LIMCH1: variants seen among roughly 807,000 people sequenced by gnomAD.
LIMCH1 encodes the protein LIM and calponin homology domains-containing protein 1.
Under a neutral mutation model 176.5 loss-of-function variants are expected in LIMCH1, and 113 were observed. The observed-to-expected ratio is 0.64, with a 90% CI of 0.55 to 0.75. The LOEUF is 0.75. LIMCH1 is among the 30% of genes least tolerant of loss of function. The pLI, the probability that LIMCH1 is intolerant of heterozygous loss-of-function variation, is 0.00. For missense variants in LIMCH1, 1,674 were observed against 1,814.9 expected (o/e 0.92, Z 1.41); for synonymous variants, 619 against 645.9 (o/e 0.96, Z 0.63).
intron 1 of LIMCH1, among the ~76,000 whole-genome samples, chr4:41,408,482 A>C (rs2059187420): frequency 6.6e-6 from 1 of 152,186 alleles, no homozygotes; most frequent in Non-Finnish European, 1.5e-5. Context: ...GAGACTCAGA[A>C]GAGTCAAGAA....
intron 1 of LIMCH1, among the ~76,000 whole-genome samples, chr4:41,492,135 C>T (rs536470057): frequency 6.6e-6 from 1 of 152,308 alleles, no homozygotes; most frequent in South Asian, 2.1e-4. Flanking sequence ...GTGAGCGAGA[C>T]TCCGTCTGCA....
intron 7 of LIMCH1, among the ~76,000 whole-genome samples, chr4:41,622,216 C>G (rs1233828671): frequency 6.6e-6 from 1 of 151,698 alleles, no homozygotes; most frequent in African/African-American, 2.4e-5. Flanking sequence ...TTTCTGCATC[C>G]CTTGAGCATC....
At chr4:41,655,109 G>A (rs78024210) in intron 18 of LIMCH1, among the ~76,000 whole-genome samples, 2,128 of 152,206 alleles carry the variant, frequency 0.014, 32 homozygotes, top group African/African-American at 0.036. Context: ...CTATTCCAGT[G>A]TTGTCTTGAT....
chr4:41,456,932 G>A (rs898753699), intron 1 of LIMCH1, among the ~76,000 whole-genome samples: 3 of 152,124 alleles, frequency 2.0e-5, no homozygotes, highest in Non-Finnish European at 4.4e-5. Context: ...CAGTATGGGG[G>A]CTGAGTTTCA....
chr4:41,452,828 A>G (rs9999139), intron 1 of LIMCH1, among the ~76,000 whole-genome samples: 68,053 of 152,128 alleles, frequency 0.45, 19,420 homozygotes, highest in African/African-American at 0.82. Context: ...CCTTTTTAAT[A>G]TTCACCATGT....
intron 1 of LIMCH1, among the ~76,000 whole-genome samples, chr4:41,367,702 AAAAAG>A (rs1231784295): frequency 5.3e-5 from 8 of 150,464 alleles, no homozygotes; most frequent in African/African-American, 2.0e-4. Flanking sequence ...AAAAAAAAAA[AAAAAG>A]GAAAGAAAAA....
At chr4:41,644,084 C>T (rs1341355003) in intron 14 of LIMCH1, among the ~76,000 whole-genome samples, 3 of 152,050 alleles carry the variant, frequency 2.0e-5, no homozygotes, top group African/African-American at 7.2e-5. Flanking sequence ...CATGGAACAC[C>T]GCCCTCTTTC....
intron 1 of LIMCH1, among the ~76,000 whole-genome samples, chr4:41,396,822 A>T (rs118112696): frequency 0.034 from 5,155 of 151,934 alleles, 150 homozygotes; most frequent in East Asian, 0.13. Flanking sequence ...AATCGCTTGA[A>T]CCTGGGAGGC....
chr4:41,440,925 TACTG>T (rs1304447802), intron 1 of LIMCH1, among the ~76,000 whole-genome samples: 1 of 152,212 alleles, frequency 6.6e-6, no homozygotes, highest in African/African-American at 2.4e-5. Flanking sequence ...TTTAAAATGA[TACTG>T]AATATGAATA....
intron 1 of LIMCH1, among the ~76,000 whole-genome samples, chr4:41,487,855 T>C (rs1383564727): frequency 6.6e-6 from 1 of 151,654 alleles, no homozygotes; most frequent in East Asian, 1.9e-4. Flanking sequence ...GGTTTCACCG[T>C]GTTAGCCAGG....
intron 18 of LIMCH1, among the ~76,000 whole-genome samples, chr4:41,660,756 G>A (rs916028555): frequency 6.6e-6 from 1 of 152,178 alleles, no homozygotes; most frequent in Non-Finnish European, 1.5e-5. Context: ...GAATGTAATG[G>A]TGAATCCATG....
rs1433220603 is a variant in LIMCH1, at chr4:41,573,898, G to C, written c.-240-25022G>C. Among the ~76,000 whole-genome samples, 4 of 152,146 alleles carry C rather than the reference G, an allele frequency of 2.6e-5. No homozygotes were observed. The East Asian group carries it at 7.7e-4, about 29-fold the overall frequency. On this transcript the variant is annotated intron_variant, in intron 1 of 31. Transcript: ENST00000503057. ...GGATTATAAAAGCCAATGGCTATTA[G>C]GTCATTAGCTTAAAGAGCTATTTTT...
At chr4:41,683,392 C>G (rs927432372) in intron 26 of LIMCH1, among the ~76,000 whole-genome samples, 16 of 152,196 alleles carry the variant, frequency 1.1e-4, no homozygotes, top group African/African-American at 3.6e-4. Context: ...TTATTCATGC[C>G]ACCCCACCCC....
intron 29 of LIMCH1, 68 bp from the exon 30 acceptor site, chr4:41,689,459 C>T (rs1723630128): frequency 4.9e-6 from 4 of 816,542 alleles, no homozygotes; most frequent in Admixed American, 3.6e-5. Context: ...CATGAGGTTA[C>T]ATGTCTGTGT....
At chr4:41,482,497 A>C (rs183019736) in intron 1 of LIMCH1, among the ~76,000 whole-genome samples, 62 of 152,274 alleles carry the variant, frequency 4.1e-4, no homozygotes, top group Non-Finnish European at 4.3e-4. Context: ...TGGGAGAGGC[A>C]AGGGATCCAA....
chr4:41,381,279 A>T (rs1448957505), intron 1 of LIMCH1, among the ~76,000 whole-genome samples: 4 of 152,226 alleles, frequency 2.6e-5, no homozygotes, highest in Non-Finnish European at 5.9e-5. Flanking sequence ...CACAGCACCA[A>T]CCAATCAGAG....
chr4:41,429,990 A>G (rs1241429866), intron 1 of LIMCH1, among the ~76,000 whole-genome samples: 1 of 152,194 alleles, frequency 6.6e-6, no homozygotes, highest in African/African-American at 2.4e-5. Context: ...GCCATGCCTA[A>G]CTTCACATGG....
intron 4 of LIMCH1, among the ~76,000 whole-genome samples, chr4:41,611,118 T>G (rs555311691): frequency 4.5e-4 from 69 of 152,360 alleles, no homozygotes; most frequent in African/African-American, 1.6e-3. Flanking sequence ...TAATGGAGAC[T>G]CAATCTGTAG....
chr4:41,585,894 T>A (rs1194214279), intron 1 of LIMCH1, among the ~76,000 whole-genome samples: 1 of 152,216 alleles, frequency 6.6e-6, no homozygotes, highest in African/African-American at 2.4e-5. Flanking sequence ...CGAAATGTTA[T>A]ACTCCCTATT....
Sources: gnomAD v4.1 joint callset for allele counts (sites outside exome capture counted in the v4.1 genomes callset) on GRCh38, gnomAD v4.1.1 for gene constraint, MANE v1.5 for transcripts, NCBI Gene and HGNC (gene_info 2026-07-23, HGNC 2026-07-21) for gene names.